The following EBF4 variants were observed in gnomAD, a reference collection of about 807,000 sequenced individuals.
The protein encoded by EBF4 is EBF transcription factor 4.
In EBF4, 34 loss-of-function variants were observed where a neutral mutation model predicts 67.1. That is an observed-to-expected ratio of 0.51 (90% confidence interval 0.39 to 0.67). The LOEUF (loss-of-function observed/expected upper bound fraction) is 0.67. Ranked by LOEUF, EBF4 falls within the 30% of genes least tolerant of loss-of-function variation. The pLI is 0.00. For missense variants in EBF4, 837 were observed against 873.3 expected, an observed-to-expected ratio of 0.96 and a Z score of 0.52; for synonymous variants, 387 against 377.7, an observed-to-expected ratio of 1.02 and a Z score of -0.29.
chr20:2,704,168 G>A (rs1486306888), intron 1 of EBF4, among the ~76,000 whole-genome samples: 1 of 152,010 alleles, frequency 6.6e-6, no homozygotes, highest in Non-Finnish European at 1.5e-5. Flanking sequence ...AATACAAGAG[G>A]GGGCTAACTA....
intron 6 of EBF4, among the ~76,000 whole-genome samples, chr20:2,730,671 G>A (rs2087801771): frequency 6.6e-6 from 1 of 152,192 alleles, no homozygotes; most frequent in African/African-American, 2.4e-5. Context: ...CTGCTGGAGA[G>A]ACTCATGAGC....
rs1474659711 is a variant in EBF4 at position 2,756,596 on chromosome 20, C to T, written c.1738+772C>T. ...CTTTTCTGGCTAAGGGATGCTTCCA[C>T]GGGATCCCCTAGGACTCAATCTGGC... On this transcript the variant is annotated intron_variant, in intron 15 of 16. Transcript: ENST00000609451. The surrounding 1 kb of genome is among the most constrained non-coding windows in gnomAD (Gnocchi z 4.5). 6.6e-6 allele frequency among the ~76,000 whole-genome samples: 1 copy of T among 152,196 alleles called. No homozygotes were observed. Among genetic ancestry groups the T allele is most frequent in the East Asian group, 1.9e-4 (1 of 5,194 alleles).
At chr20:2,729,232 A>G (rs1484466178) in intron 6 of EBF4, among the ~76,000 whole-genome samples, 1 of 152,078 alleles carries the variant, frequency 6.6e-6, no homozygotes, top group African/African-American at 2.4e-5. Flanking sequence ...GCCGACTCCT[A>G]TTGAGCGCAT....
chr20:2,731,644 C>T (rs80149082), intron 6 of EBF4, among the ~76,000 whole-genome samples: 7,163 of 152,266 alleles, frequency 0.047, 564 homozygotes, highest in African/African-American at 0.16. Context: ...TTCTCTGCTG[C>T]GGACATCTGT....
rs1048308291 is a variant in EBF4 at position 2,707,901 on chromosome 20, A to G, written c.415-46A>G. ...CCGTCTGTGCTGCCACCTGCACCTC[A>G]GAGGAGCCTCCTTCCCCTCCAGCCT... On this transcript the variant is annotated intron_variant, in intron 4 of 16. Coordinates refer to ENST00000609451, the Ensembl canonical transcript of EBF4. The surrounding 1 kb of genome is among the most constrained non-coding windows in gnomAD (Gnocchi z 4.6). 1 of 1,529,234 alleles carries G rather than the reference A, an allele frequency of 6.5e-7. No individual in the cohort carries two copies. The highest frequency in any genetic ancestry group is 2.0e-5 in the Admixed American group (1 of 50,126). The allele number at this position is 1,529,234 out of a possible 1,614,324, so 94.7% of individuals were successfully genotyped here.
chr20:2,731,746 T>G (rs1483832677), intron 6 of EBF4, among the ~76,000 whole-genome samples: 1 of 152,234 alleles, frequency 6.6e-6, no homozygotes, highest in Non-Finnish European at 1.5e-5. Flanking sequence ...AGCAAACCCC[T>G]GTAATCTATG....
At chr20:2,752,390 G>A in exon 14 of EBF4, 1 of 1,255,582 alleles carries the variant, frequency 8.0e-7, no homozygotes. Flanking sequence ...GCGTCCCCCC[G>A]CGGGTTCGCG....
intron 6 of EBF4, among the ~76,000 whole-genome samples, chr20:2,744,895 C>T (rs956486353): frequency 3.1e-4 from 47 of 152,194 alleles, no homozygotes; most frequent in Admixed American, 3.1e-3. Flanking sequence ...AAAAGATGAG[C>T]ATTCCCACAT....
At chr20:2,709,494 C>T (rs375371377) in intron 5 of EBF4, 80 bp from the exon 6 acceptor site, 38 of 1,344,560 alleles carry the variant, frequency 2.8e-5, no homozygotes, top group Non-Finnish European at 1.0e-6. Flanking sequence ...CAGCTCAGGG[C>T]GCCCCCCACA....
chr20:2,715,295 T>A (rs887878039), intron 6 of EBF4, among the ~76,000 whole-genome samples: 1 of 152,246 alleles, frequency 6.6e-6, no homozygotes, highest in African/African-American at 2.4e-5. Context: ...AGCAACCTTC[T>A]GCAATGCTCT....
At chr20:2,715,809 C>T (rs757058557) in intron 6 of EBF4, among the ~76,000 whole-genome samples, 4 of 152,152 alleles carry the variant, frequency 2.6e-5, no homozygotes, top group Admixed American at 1.3e-4. Context: ...AGTGCAGTGG[C>T]GCAATCTCGG....
At chr20:2,705,200 T>C (rs1454465942) in intron 1 of EBF4, among the ~76,000 whole-genome samples, 2 of 152,256 alleles carry the variant, frequency 1.3e-5, no homozygotes, top group Non-Finnish European at 2.9e-5. Flanking sequence ...CTTGAAGCCC[T>C]AAAGGGCAGT....
intron 1 of EBF4, among the ~76,000 whole-genome samples, chr20:2,694,658 G>A (rs1345909721): frequency 6.6e-6 from 1 of 152,170 alleles, no homozygotes; most frequent in Non-Finnish European, 1.5e-5. Context: ...GGGACAGGGT[G>A]GGCACTTGGC....
intron 2 of EBF4, 27 bp from the exon 3 acceptor site, chr20:2,705,947 G>A (rs372056911): frequency 3.7e-5 from 58 of 1,548,588 alleles, no homozygotes; most frequent in Non-Finnish European, 4.5e-5. Flanking sequence ...CTGAGCACCC[G>A]AGCATCCTCC....
rs2088283454 is a variant in EBF4 at position 2,758,911 on chromosome 20, C to A, written c.1741C>A (p.Gln581Lys). The A allele has an allele frequency of 3.2e-6, 5 of 1,551,758 alleles. No individual in the cohort carries two copies. The East Asian group carries it at 1.2e-4, about 38-fold the overall frequency. Residue 581 changes from glutamine (Q) to lysine (K), a missense_variant and splice_region_variant, in exon 16 of 17, where the codon CAG (glutamine) becomes AAG (lysine). Physicochemically the swap from Gln to Lys is moderately conservative, Grantham distance 53. Coordinates refer to ENST00000609451, the Ensembl canonical transcript of EBF4. Reference sequence around the variant, plus strand: ...TCCTTTTTCCTTGACTACTGCAGACCAGTCTTTTGAGGATTCTGACAAGTT... The same window carrying A: ...TCCTTTTTCCTTGACTACTGCAGACAAGTCTTTTGAGGATTCTGACAAGTT...
intron 6 of EBF4, among the ~76,000 whole-genome samples, chr20:2,733,200 GTTTTC>G (rs1270788749): frequency 2.6e-5 from 4 of 152,128 alleles, no homozygotes; most frequent in Non-Finnish European, 5.9e-5. Flanking sequence ...GTCGATAGTT[GTTTTC>G]TTTTAACACA....
chr20:2,749,702 C>A, exon 9 of EBF4: 1 of 1,559,590 alleles, frequency 6.4e-7, no homozygotes, highest in Non-Finnish European at 8.7e-7. Flanking sequence ...TCGGCGACAA[C>A]TTCTTCGACG....
Position 2,755,936 on chromosome 20 carries a change from C to G in EBF4, c.1738+112C>G, listed in dbSNP as rs1340141855. ...TCACCAGTGCCTCATGCTGGCTAAC[C>G]TGCTCTTCTTGGAGGACGGAGAGCA... On this transcript the variant is annotated intron_variant, in intron 15 of 16. Transcript: ENST00000609451. The surrounding 1 kb of genome is among the most constrained non-coding windows in gnomAD (Gnocchi z 4.7). 34 of 1,114,608 alleles carry G rather than the reference C, an allele frequency of 3.1e-5. No homozygotes were observed. In the Admixed American group the frequency reaches 8.7e-4, roughly 29 times the overall value. The allele number at this position is 1,114,608 out of a possible 1,614,324, so 69.0% of individuals were successfully genotyped here.
At chr20:2,734,480 T>C (rs2087853105) in intron 6 of EBF4, among the ~76,000 whole-genome samples, 1 of 152,222 alleles carries the variant, frequency 6.6e-6, no homozygotes, top group African/African-American at 2.4e-5. Context: ...TAGTTCCTGT[T>C]GGCTGCTTTA....
Sources: gnomAD v4.1 joint callset for allele counts (sites outside exome capture counted in the v4.1 genomes callset) on GRCh38, gnomAD v4.1.1 for gene constraint, Gnocchi (gnomAD v3.1) non-coding constraint, MANE v1.5 for transcripts, NCBI Gene and HGNC (gene_info 2026-07-23, HGNC 2026-07-21) for gene names.